Variants in PPM1H observed in about 807,000 individuals in gnomAD.
PPM1H encodes the protein protein phosphatase, Mg2+/Mn2+ dependent 1H.
A neutral mutation model predicts 54.9 loss-of-function variants in PPM1H; 27 were observed. That is an observed-to-expected ratio of 0.49 (90% confidence interval 0.36 to 0.68). The LOEUF (loss-of-function observed/expected upper bound fraction) is 0.68. Ranked by LOEUF, PPM1H falls within the 30% of genes least tolerant of loss-of-function variation. PPM1H has a pLI of 0.00. For synonymous variants in PPM1H, 305 were observed against 270.8 expected, an observed-to-expected ratio of 1.13 and a Z score of -1.24; for missense variants, 596 against 667.8, an observed-to-expected ratio of 0.89 and a Z score of 1.19.
intron 3 of PPM1H, among the ~76,000 whole-genome samples, chr12:62,791,839 G>A (rs146108873): frequency 1.8e-3 from 273 of 152,258 alleles, no homozygotes; most frequent in African/African-American, 6.2e-3. Flanking sequence ...TAGGAGAATT[G>A]CTTGAACCCG....
At chr12:62,771,849 CA>C (rs1412108668) in intron 4 of PPM1H, among the ~76,000 whole-genome samples, 1 of 152,166 alleles carries the variant, frequency 6.6e-6, no homozygotes, top group Non-Finnish European at 1.5e-5. Flanking sequence ...TCCATAATGG[CA>C]GAGGCTCAGG....
intron 1 of PPM1H, among the ~76,000 whole-genome samples, chr12:62,837,224 T>C (rs1296770547): frequency 6.6e-6 from 1 of 152,210 alleles, no homozygotes; most frequent in Non-Finnish European, 1.5e-5. Context: ...TTATCTGCCT[T>C]CTCACCTTAT....
intron 6 of PPM1H, among the ~76,000 whole-genome samples, chr12:62,713,014 A>C (rs1370027262): frequency 6.6e-6 from 1 of 152,204 alleles, no homozygotes; most frequent in Non-Finnish European, 1.5e-5. Flanking sequence ...GCTTGAATGC[A>C]CTGTCAGAGG....
rs535649122 is a variant in PPM1H, at chr12:62,782,280, C to T, written c.869+5946G>A. Among the ~76,000 whole-genome samples, 3 of 152,248 alleles carry T rather than the reference C, an allele frequency of 2.0e-5. No homozygotes were observed. The South Asian group carries it at 6.2e-4, about 32-fold the overall frequency. ...TCTTTGCATTCCCTTGGCTTGGAGGCAGTTACATAATATTTCATTATTTTA... is the reference window on the plus strand; with the variant it reads ...TCTTTGCATTCCCTTGGCTTGGAGGTAGTTACATAATATTTCATTATTTTA... On this transcript the variant is annotated intron_variant, in intron 4 of 9. Transcript: ENST00000228705.
At chr12:62,923,529 G>A (rs1871871317) in intron 1 of PPM1H, among the ~76,000 whole-genome samples, 1 of 152,156 alleles carries the variant, frequency 6.6e-6, no homozygotes, top group Non-Finnish European at 1.5e-5. Context: ...AGCCTCTCGA[G>A]TAGCTGGGAT....
chr12:62,868,653 C>A (rs1016652890), intron 1 of PPM1H, among the ~76,000 whole-genome samples: 1 of 152,146 alleles, frequency 6.6e-6, no homozygotes, highest in African/African-American at 2.4e-5. Flanking sequence ...TATTACAATA[C>A]CCTGTACAAA....
intron 4 of PPM1H, among the ~76,000 whole-genome samples, chr12:62,777,347 A>G (rs986609460): frequency 6.6e-6 from 1 of 152,152 alleles, no homozygotes; most frequent in Admixed American, 6.5e-5. Context: ...CTGCCTGCCT[A>G]CCTGGGCTGA....
At chr12:62,658,548 C>A (rs868165056) in intron 9 of PPM1H, among the ~76,000 whole-genome samples, 7 of 152,074 alleles carry the variant, frequency 4.6e-5, no homozygotes, top group African/African-American at 1.7e-4. Context: ...TCAGAAAACC[C>A]TTTCCAGGTT....
Position 62,651,503 on chromosome 12 carries a change from G to A in PPM1H, c.1398-2867C>T, listed in dbSNP as rs371101466. 2.0e-5 allele frequency among the ~76,000 whole-genome samples: 3 copies of A among 152,104 alleles called. No individual in the cohort carries two copies. The East Asian group carries it at 5.8e-4, about 29-fold the overall frequency. On this transcript the variant is annotated intron_variant, in intron 9 of 9. Coordinates refer to ENST00000228705, the MANE Select transcript of PPM1H (RefSeq NM_020700.2). ...TTTTTTAAATGGTCAAAATTAGCTT[G>A]GTATTTTTAAAAAGCAAGGATTAGG...
chr12:62,837,255 T>G (rs1592626464), intron 1 of PPM1H, among the ~76,000 whole-genome samples: 1 of 152,236 alleles, frequency 6.6e-6, no homozygotes, highest in African/African-American at 2.4e-5. Context: ...TCAAGGACAC[T>G]CATCTGATGA....
chr12:62,847,169 A>G (rs1038824585), intron 1 of PPM1H, among the ~76,000 whole-genome samples: 4 of 152,214 alleles, frequency 2.6e-5, no homozygotes, highest in African/African-American at 4.8e-5. Flanking sequence ...GAAGGGGAAG[A>G]GAGGGAGAGA....
At chr12:62,880,898 T>C (rs951445315) in intron 1 of PPM1H, among the ~76,000 whole-genome samples, 9 of 152,156 alleles carry the variant, frequency 5.9e-5, no homozygotes, top group African/African-American at 2.2e-4. Flanking sequence ...ATCCTCTGTG[T>C]CTGCAGCCCA....
At chr12:62,795,818 C>T (rs773174237) in intron 3 of PPM1H, among the ~76,000 whole-genome samples, 7 of 151,298 alleles carry the variant, frequency 4.6e-5, no homozygotes, top group East Asian at 1.9e-4. Flanking sequence ...CCTCTGCCTC[C>T]GGAATTCAAA....
At chr12:62,904,051 T>C (rs1029841926) in intron 1 of PPM1H, among the ~76,000 whole-genome samples, 5 of 152,184 alleles carry the variant, frequency 3.3e-5, no homozygotes, top group Non-Finnish European at 5.9e-5. Flanking sequence ...GTCGAAATGG[T>C]TAAGGCTGTC....
intron 2 of PPM1H, among the ~76,000 whole-genome samples, chr12:62,817,844 G>T (rs1439386542): frequency 2.6e-5 from 4 of 152,104 alleles, no homozygotes; most frequent in Non-Finnish European, 5.9e-5. Context: ...CCACAGTGCT[G>T]CCCCGTCCTC....
intron 8 of PPM1H, among the ~76,000 whole-genome samples, chr12:62,685,802 T>C (rs1320430051): frequency 6.6e-6 from 1 of 152,196 alleles, no homozygotes. Flanking sequence ...GATAAGTATA[T>C]GAAGTGATGA....
intron 3 of PPM1H, 27 bp downstream of exon 3, chr12:62,801,789 C>A: frequency 6.2e-7 from 1 of 1,610,688 alleles, no homozygotes; most frequent in Non-Finnish European, 8.5e-7. Context: ...CCTGGCCCTG[C>A]TGCCCCAGAC....
At chr12:62,769,840 G>C (rs1196612523) in intron 4 of PPM1H, among the ~76,000 whole-genome samples, 1 of 152,160 alleles carries the variant, frequency 6.6e-6, no homozygotes, top group Non-Finnish European at 1.5e-5. Context: ...AACATTTAAA[G>C]GCGAAAAGTG....
chr12:62,661,252 T>A (rs1223869857), intron 9 of PPM1H, among the ~76,000 whole-genome samples: 1 of 152,184 alleles, frequency 6.6e-6, no homozygotes, highest in Non-Finnish European at 1.5e-5. Flanking sequence ...GACTGTAAAC[T>A]CAAAGAGGGC....
Sources: gnomAD v4.1 joint callset for allele counts (sites outside exome capture counted in the v4.1 genomes callset) on GRCh38, gnomAD v4.1.1 for gene constraint, MANE v1.5 for transcripts, NCBI Gene and HGNC (gene_info 2026-07-23, HGNC 2026-07-21) for gene names.